Variants in TLR7 observed in about 807,000 individuals in gnomAD.
TLR7 encodes the protein toll like receptor 7.
In TLR7, 12 loss-of-function variants were observed where a neutral mutation model predicts 38.3. The observed-to-expected ratio is 0.31, with a 90% CI of 0.20 to 0.51. The LOEUF (loss-of-function observed/expected upper bound fraction) is 0.51, where lower values mean the gene tolerates loss of function less well. TLR7 is among the 20% of genes least tolerant of loss of function. TLR7 has a pLI of 0.98. For missense variants in TLR7, 504 were observed against 743.4 expected (o/e 0.68, Z 3.74); for synonymous variants, 285 against 293.8 (o/e 0.97, Z 0.31).
chrX:12,874,261 G>A (rs1324224080), intron 2 of TLR7, among the ~76,000 whole-genome samples: 1 of 111,098 alleles, frequency 9.0e-6, no homozygotes, highest in Non-Finnish European at 1.9e-5. Flanking sequence ...CAGAGGTTGC[G>A]GTGATCCAAG....
chrX:12,873,865 T>C (rs963784222), intron 2 of TLR7, among the ~76,000 whole-genome samples: 1 of 112,553 alleles, frequency 8.9e-6, no homozygotes, highest in Non-Finnish European at 1.9e-5. Flanking sequence ...TTTATGTCGA[T>C]ACCCACAGCT....
intron 2 of TLR7, among the ~76,000 whole-genome samples, chrX:12,881,167 C>CTTCTCCTGA (rs1450377705): frequency 4.6e-5 from 5 of 108,859 alleles, no homozygotes; most frequent in African/African-American, 1.7e-4. Flanking sequence ...GTGGAGGTTG[C>CTTCTCCTGA]AGTGAACCGA....
At chrX:12,868,582 C>G (rs983177406) in intron 2 of TLR7, among the ~76,000 whole-genome samples, 1 of 111,836 alleles carries the variant, frequency 8.9e-6, no homozygotes, top group Non-Finnish European at 1.9e-5. Flanking sequence ...AATCCCTCCC[C>G]TGTTGCCTTC....
At chrX:12,875,676 T>C (rs1238874266) in intron 2 of TLR7, among the ~76,000 whole-genome samples, 1 of 111,506 alleles carries the variant, frequency 9.0e-6, no homozygotes, top group Non-Finnish European at 1.9e-5. Flanking sequence ...TAAACGGCAG[T>C]TCCCCTGCAC....
intron 2 of TLR7, among the ~76,000 whole-genome samples, chrX:12,871,102 T>C (rs1361097475): frequency 8.9e-6 from 1 of 111,971 alleles, no homozygotes; most frequent in African/African-American, 3.2e-5. Context: ...TGATAGGAAG[T>C]AAATGATAAC....
Position 12,887,410 on chromosome X carries a change from A to G in TLR7, c.1902A>G (p.Leu634=). The G allele has an allele frequency of 8.3e-7, 1 of 1,210,173 alleles. No homozygotes were observed. The highest frequency in any genetic ancestry group is 1.1e-6 in the Non-Finnish European group (1 of 894,063). Reference sequence around the variant, plus strand: ...TCAGAGGAAATCACTTAGATGTTTTATGGAGAGAAGGTGATAACAGATACT... The same window carrying G: ...TCAGAGGAAATCACTTAGATGTTTTGTGGAGAGAAGGTGATAACAGATACT... ...LEFRGNHLDV[L]WREGDNRYLQ... is the part of the protein sequence containing the mutation. The change falls in exon 3 of 3, where the codon TTA becomes TTG. Residue 634 remains leucine, a synonymous_variant. Transcript: ENST00000380659.
intron 2 of TLR7, among the ~76,000 whole-genome samples, chrX:12,873,312 C>T (rs2042859628): frequency 8.9e-6 from 1 of 112,143 alleles, no homozygotes; most frequent in Non-Finnish European, 1.9e-5. Context: ...GCCCTGTTTT[C>T]TTTTTCAGTA....
intron 2 of TLR7, among the ~76,000 whole-genome samples, chrX:12,883,860 C>T (rs1193432910): frequency 9.0e-6 from 1 of 111,635 alleles, no homozygotes; most frequent in Admixed American, 9.5e-5. Context: ...GAAGAAGAGA[C>T]AATTTTGTAC....
At chrX:12,871,630 C>A (rs1001696286) in intron 2 of TLR7, among the ~76,000 whole-genome samples, 4 of 111,730 alleles carry the variant, frequency 3.6e-5, no homozygotes, top group African/African-American at 1.3e-4. Flanking sequence ...AATGCAGATC[C>A]CAACATTTCC....
At position 12,885,886 on chromosome X, in the gene TLR7, C is replaced by T; in HGVS notation, c.378C>T (p.Leu126=). 1.7e-6 allele frequency: 2 copies of T among 1,211,863 alleles called. No homozygotes were observed. The highest frequency in any genetic ancestry group is 1.7e-5 in the African/African-American group (1 of 57,803). The change falls in exon 3 of 3, where the codon CTC becomes CTT. Residue 126 remains leucine, a synonymous_variant. Transcript: ENST00000380659. ...LQIKPRSFSG[L]TYLKSLYLDG... is the part of the protein sequence containing the mutation. ...TTAAACCCAGAAGCTTTAGTGGACT[C>T]ACTTATTTAAAATCCCTTTACCTGG...
In TLR7 at chrX:12,887,143, A is replaced by G; in HGVS notation, c.1635A>G (p.Arg545=). The change falls in exon 3 of 3, where the codon AGA becomes AGG. Residue 545 remains arginine (R), a synonymous_variant. Coordinates refer to ENST00000380659, the MANE Select transcript of TLR7 (RefSeq NM_016562.4). ...GSEFQPLAEL[R]YLDFSNNRLD... is the part of the protein sequence containing the mutation. The stretch of plus-strand genomic sequence containing the variant: ...AATTCCAACCTTTAGCAGAGCTGAG[A>G]TATTTGGACTTCTCCAACAACCGGC... The G allele has an allele frequency of 8.3e-7, 1 of 1,211,894 alleles. No homozygotes were observed.
chrX:12,872,925 T>A, intron 2 of TLR7, among the ~76,000 whole-genome samples: 1 of 109,734 alleles, frequency 9.1e-6, no homozygotes, highest in East Asian at 2.9e-4. Context: ...ACCAACTGAT[T>A]GTCAGCTCAA....
chrX:12,887,858 C>T lies in TLR7; in HGVS notation c.2350C>T (p.Arg784Trp), dbSNP rs199643469. The T allele has an allele frequency of 1.3e-5, 16 of 1,209,921 alleles. No homozygotes were observed. The highest frequency in any genetic ancestry group is 6.5e-5 in the Admixed American group (3 of 45,813). Residue 784 changes from arginine (R) to tryptophan (W), a missense_variant, in exon 3 of 3, where the codon CGG (arginine) becomes TGG (tryptophan). Arg to Trp is a moderately radical substitution (Grantham distance 101). Coordinates refer to ENST00000380659, the MANE Select transcript of TLR7 (RefSeq NM_016562.4). ...GAAGATGTTGCTTTTGCATCATAAT[C>T]GGTTTCTGTGCACCTGTGATGCTGT... ...NLKMLLLHHN[R>W]FLCTCDAVWF... is the part of the protein sequence containing the mutation.
intron 2 of TLR7, among the ~76,000 whole-genome samples, chrX:12,882,386 G>A (rs746323194): frequency 2.7e-5 from 3 of 110,421 alleles, no homozygotes; most frequent in Admixed American, 1.9e-4. Flanking sequence ...ACTAATTGGA[G>A]TTGGGAGGTG....
At chrX:12,883,676 G>A (rs2042900249) in intron 2 of TLR7, among the ~76,000 whole-genome samples, 1 of 111,025 alleles carries the variant, frequency 9.0e-6, no homozygotes, top group African/African-American at 3.3e-5. Context: ...GATAGATAGG[G>A]TAGACTGGGA....
At chrX:12,881,036 A>G (rs2042889184) in intron 2 of TLR7, among the ~76,000 whole-genome samples, 2 of 109,789 alleles carry the variant, frequency 1.8e-5, no homozygotes, top group Admixed American at 9.8e-5. Context: ...AGACCAGCCT[A>G]ACCAACATGG....
chrX:12,867,725 C>T, intron 2 of TLR7, 144 bp downstream of exon 2: 2 of 568,127 alleles, frequency 3.5e-6, no homozygotes, highest in Non-Finnish European at 5.8e-6. Context: ...TCACAATTGG[C>T]ATTAATGAAG....
intron 2 of TLR7, among the ~76,000 whole-genome samples, chrX:12,869,042 T>A (rs1310920166): frequency 9.0e-6 from 1 of 111,409 alleles, no homozygotes; most frequent in Non-Finnish European, 1.9e-5. Flanking sequence ...AAGGTAGAGA[T>A]AACGAAACTG....
At position 12,888,520 on chromosome X, in the gene TLR7, G is replaced by A; in HGVS notation, c.3012G>A (p.Arg1004=). 2.5e-6 allele frequency: 3 copies of A among 1,211,759 alleles called. No individual in the cohort carries two copies. The highest frequency in any genetic ancestry group is 3.4e-6 in the Non-Finnish European group (3 of 895,523). ...PFQKSKFLQL[R]KRLCGSSVLE... ...AGAAGTCCAAGTTCCTCCAGCTCCG[G>A]AAAAGGCTCTGTGGGAGTTCTGTCC... The change falls in exon 3 of 3, where the codon CGG becomes CGA. Residue 1004 remains arginine (R), a synonymous_variant. Transcript: ENST00000380659.
Sources: gnomAD v4.1 joint callset for allele counts (sites outside exome capture counted in the v4.1 genomes callset) on GRCh38, gnomAD v4.1.1 for gene constraint, MANE v1.5 for transcripts, NCBI Gene and HGNC (gene_info 2026-07-23, HGNC 2026-07-21) for gene names.